The following ZFPM2 variants were observed in gnomAD, a reference collection of about 807,000 sequenced individuals.
ZFPM2 encodes the protein zinc finger protein ZFPM2.
A neutral mutation model predicts 98.6 loss-of-function variants in ZFPM2; 20 were observed. The ratio of observed to expected loss-of-function variants is 0.20; its 90% CI spans 0.14 to 0.29. ZFPM2 has a LOEUF of 0.29. ZFPM2 is among the 10% of genes least tolerant of loss of function. The probability of loss-of-function intolerance (pLI) is 1.00; values close to 1 mark genes in which losing one functional copy is unlikely to be tolerated. For synonymous variants in ZFPM2, 518 were observed against 502.7 expected (o/e 1.03, Z -0.41); for missense variants, 1,310 against 1,388.6 (o/e 0.94, Z 0.90).
intron 3 of ZFPM2, among the ~76,000 whole-genome samples, chr8:105,455,692 C>T (rs62525439): frequency 0.084 from 12,796 of 152,116 alleles, 665 homozygotes; most frequent in South Asian, 0.15. Flanking sequence ...TTGTAGAGAG[C>T]ACTTTATATA....
chr8:105,446,778 A>C (rs556875262), intron 3 of ZFPM2, among the ~76,000 whole-genome samples: 2 of 152,246 alleles, frequency 1.3e-5, no homozygotes, highest in South Asian at 2.1e-4. Context: ...AATAAATAAC[A>C]ATTTTTTTCT....
intron 4 of ZFPM2, among the ~76,000 whole-genome samples, chr8:105,571,473 GA>G (rs1815353153): frequency 6.6e-6 from 1 of 152,244 alleles, no homozygotes; most frequent in Non-Finnish European, 1.5e-5. Flanking sequence ...CTGTGAGGAA[GA>G]GTTGTTCATG....
intron 1 of ZFPM2, among the ~76,000 whole-genome samples, chr8:105,337,196 C>T (rs1812343156): frequency 6.6e-6 from 1 of 151,728 alleles, no homozygotes; most frequent in African/African-American, 2.4e-5. Context: ...CCCTCACTTC[C>T]AATGCCAAGA....
intron 5 of ZFPM2, among the ~76,000 whole-genome samples, chr8:105,758,829 T>A (rs990824630): frequency 2.6e-5 from 4 of 152,106 alleles, no homozygotes; most frequent in African/African-American, 7.2e-5. Context: ...TGTTATGATA[T>A]GAATGGATTA....
At chr8:105,366,286 G>A (rs1234590169) in intron 1 of ZFPM2, among the ~76,000 whole-genome samples, 1 of 152,004 alleles carries the variant, frequency 6.6e-6, no homozygotes, top group African/African-American at 2.4e-5. Context: ...TCTGTACTAG[G>A]GTTGTTTTCT....
At chr8:105,373,727 A>G (rs542788534) in intron 1 of ZFPM2, among the ~76,000 whole-genome samples, 6 of 152,344 alleles carry the variant, frequency 3.9e-5, no homozygotes, top group African/African-American at 1.4e-4. Flanking sequence ...AATGAGATAA[A>G]AACAATAAAG....
At chr8:105,409,846 C>G (rs2130029610) in intron 1 of ZFPM2, among the ~76,000 whole-genome samples, 1 of 151,894 alleles carries the variant, frequency 6.6e-6, no homozygotes, top group Non-Finnish European at 1.5e-5. Context: ...GCCTTTCTAA[C>G]AAGTTACCAG....
At chr8:105,757,792 T>C (rs1812638426) in intron 5 of ZFPM2, among the ~76,000 whole-genome samples, 1 of 152,170 alleles carries the variant, frequency 6.6e-6, no homozygotes, top group African/African-American at 2.4e-5. Context: ...CGTTCTGGGC[T>C]TCTGGTGTTG....
rs78789521 is a variant in ZFPM2, at chr8:105,634,863, A to G, written c.532+506A>G. 5.9e-3 allele frequency among the ~76,000 whole-genome samples: 897 copies of G among 152,320 alleles called. 6 individuals carry two copies. The highest frequency in any genetic ancestry group is 0.017 in the African/African-American group (727 of 41,578). On this transcript the variant is annotated intron_variant, in intron 5 of 7. Transcript: ENST00000407775. ...TTCCCCATGGTGATTTCTGAAGGGC[A>G]GGAGGCAAACTCTAAAGAGGAAGCT...
rs544100437 is a variant in ZFPM2, at chr8:105,741,191, C to T, written c.533-47527C>T. Among the ~76,000 whole-genome samples, 79 of 152,116 alleles carry T rather than the reference C, an allele frequency of 5.2e-4. 1 individual carries two copies. The highest frequency in any genetic ancestry group is 6.8e-3 in the Middle Eastern group (2 of 294). On this transcript the variant is annotated intron_variant, in intron 5 of 7. Transcript: ENST00000407775. The stretch of plus-strand genomic sequence containing the variant: ...AAGAAAGTGTTCCAAGAAGATACTA[C>T]GCCAAATTTTGCTGATATTCAAGTA...
At chr8:105,532,263 T>C (rs1323967879) in intron 3 of ZFPM2, among the ~76,000 whole-genome samples, 5 of 152,150 alleles carry the variant, frequency 3.3e-5, no homozygotes, top group African/African-American at 1.2e-4. Flanking sequence ...AGAAAAATTA[T>C]TTACAAAAGG....
intron 5 of ZFPM2, among the ~76,000 whole-genome samples, chr8:105,742,216 C>CA (rs1182153108): frequency 1.3e-5 from 2 of 151,112 alleles, no homozygotes; most frequent in Non-Finnish European, 3.0e-5. Context: ...CTCCACAAAA[C>CA]AAAAAAATTT....
intron 2 of ZFPM2, among the ~76,000 whole-genome samples, chr8:105,437,518 A>G (rs1812147972): frequency 6.6e-6 from 1 of 152,108 alleles, no homozygotes; most frequent in East Asian, 1.9e-4. Flanking sequence ...ACGGGATGAG[A>G]ATGATCAGGG....
chr8:105,561,934 C>CT (rs946427884), intron 4 of ZFPM2, among the ~76,000 whole-genome samples: 17 of 152,022 alleles, frequency 1.1e-4, no homozygotes, highest in Admixed American at 9.8e-4. Flanking sequence ...TGTTATTCAG[C>CT]TTTTTTGTAA....
chr8:105,642,210 T>A (rs1019641259), intron 5 of ZFPM2, among the ~76,000 whole-genome samples: 1 of 151,918 alleles, frequency 6.6e-6, no homozygotes, highest in Non-Finnish European at 1.5e-5. Context: ...GTAGAAAAAA[T>A]TATTATAAGA....
At chr8:105,715,548 A>G (rs1811505405) in intron 5 of ZFPM2, among the ~76,000 whole-genome samples, 1 of 152,040 alleles carries the variant, frequency 6.6e-6, no homozygotes, top group Non-Finnish European at 1.5e-5. Context: ...TATAATTTAT[A>G]TCAGTAAAAT....
At chr8:105,673,617 A>G (rs1010031079) in intron 5 of ZFPM2, among the ~76,000 whole-genome samples, 15 of 152,024 alleles carry the variant, frequency 9.9e-5, no homozygotes, top group African/African-American at 3.6e-4. Context: ...TGCCCTCCCC[A>G]AGAGTTCCTC....
At chr8:105,591,254 A>G (rs771094143) in intron 4 of ZFPM2, among the ~76,000 whole-genome samples, 3 of 151,902 alleles carry the variant, frequency 2.0e-5, no homozygotes, top group African/African-American at 2.4e-5. Flanking sequence ...TATTTGAAAA[A>G]AAAAAGCAAC....
At chr8:105,499,024 T>A (rs1813533411) in intron 3 of ZFPM2, among the ~76,000 whole-genome samples, 1 of 152,102 alleles carries the variant, frequency 6.6e-6, no homozygotes, top group Non-Finnish European at 1.5e-5. Flanking sequence ...TTCTCCCCAT[T>A]TCTGAGCACA....
Sources: gnomAD v4.1 joint callset for allele counts (sites outside exome capture counted in the v4.1 genomes callset) on GRCh38, gnomAD v4.1.1 for gene constraint, MANE v1.5 for transcripts, NCBI Gene and HGNC (gene_info 2026-07-23, HGNC 2026-07-21) for gene names.